Variants in CIT observed in about 807,000 individuals in gnomAD.
The protein encoded by CIT is citron rho-interacting serine/threonine kinase.
Under a neutral mutation model 272.7 loss-of-function variants are expected in CIT, and 79 were observed. That is an observed-to-expected ratio of 0.29 (90% CI 0.24 to 0.35). CIT has a LOEUF of 0.35. CIT is among the 10% of genes least tolerant of loss of function. The probability of loss-of-function intolerance (pLI) is 1.00; values close to 1 mark genes in which losing one functional copy is unlikely to be tolerated. For missense variants in CIT, 1,909 were observed against 2,618.3 expected, an observed-to-expected ratio of 0.73 and a Z score of 5.91; for synonymous variants, 948 against 995.6, an observed-to-expected ratio of 0.95 and a Z score of 0.90.
At chr12:119,876,460 A>G (rs1950849127) in intron 1 of CIT, among the ~76,000 whole-genome samples, 1 of 152,206 alleles carries the variant, frequency 6.6e-6, no homozygotes, top group South Asian at 2.1e-4. Context: ...GTTTGCCCCC[A>G]TGCAGTGGGG....
At chr12:119,817,814 T>A (rs77772706) in intron 9 of CIT, among the ~76,000 whole-genome samples, 2,737 of 151,440 alleles carry the variant, frequency 0.018, 78 homozygotes, top group African/African-American at 0.062. Context: ...GTGGCTCATA[T>A]CTGTAATCCC....
intron 23 of CIT, among the ~76,000 whole-genome samples, chr12:119,746,237 T>A (rs1371257811): frequency 6.6e-6 from 1 of 152,210 alleles, no homozygotes; most frequent in Non-Finnish European, 1.5e-5. Context: ...AAATGCCAGA[T>A]AAGGAAATTT....
At chr12:119,824,755 T>C (rs1968025097) in intron 8 of CIT, among the ~76,000 whole-genome samples, 1 of 152,198 alleles carries the variant, frequency 6.6e-6, no homozygotes, top group Non-Finnish European at 1.5e-5. Flanking sequence ...TTAAACAACA[T>C]TCTAGAAACA....
intron 46 of CIT, among the ~76,000 whole-genome samples, chr12:119,696,146 G>A (rs1956211826): frequency 6.6e-6 from 1 of 152,172 alleles, no homozygotes; most frequent in Non-Finnish European, 1.5e-5. Flanking sequence ...GGAGAGTTAG[G>A]AGGCAAGAGA....
chr12:119,828,832 T>C (rs1968373630), intron 7 of CIT, among the ~76,000 whole-genome samples: 1 of 152,184 alleles, frequency 6.6e-6, no homozygotes, highest in African/African-American at 2.4e-5. Flanking sequence ...CCTCCCAAAG[T>C]GCTGGGATTA....
At position 119,697,644 on chromosome 12, in the gene CIT, G is replaced by T; in HGVS notation, c.5882+15C>A. 6.2e-7 allele frequency: 1 copy of T among 1,612,404 alleles called. No individual in the cohort carries two copies. Among genetic ancestry groups the T allele is most frequent in the Non-Finnish European group, 8.5e-7 (1 of 1,179,122 alleles). On this transcript the variant is annotated intron_variant, in intron 46 of 47. Coordinates refer to ENST00000392521, the MANE Select transcript of CIT (RefSeq NM_001206999.2). The surrounding 1 kb of genome is among the most constrained non-coding windows in gnomAD (Gnocchi z 4.9). Reference sequence around the variant, plus strand: ...ACGTTGCCCCTGGTACTGAGGAAGAGGAGAAGCTGGTTACCTGCGGGAGGT... The same window carrying T: ...ACGTTGCCCCTGGTACTGAGGAAGATGAGAAGCTGGTTACCTGCGGGAGGT...
In CIT at chr12:119,713,724, C is replaced by A; in HGVS notation, c.4307-76G>T. On this transcript the variant is annotated intron_variant, in intron 33 of 47. Coordinates refer to ENST00000392521, the MANE Select transcript of CIT (RefSeq NM_001206999.2). This position sits in a 1 kb window ranked among gnomAD's most constrained non-coding sequence, Gnocchi z 5.2. ...CCTTCCCTTCCTCTGCCAGCCAACG[C>A]CTGGGCTTCTCTACCCCAGCCGGGC... The A allele has an allele frequency of 6.6e-7, 1 of 1,507,112 alleles. No individual in the cohort carries two copies. The highest frequency in any genetic ancestry group is 9.2e-7 in the Non-Finnish European group (1 of 1,084,668). 93.4% of individuals were successfully genotyped at this position (1,507,112 alleles called of 1,614,324 possible).
At chr12:119,741,555 G>A (rs529911677) in intron 24 of CIT, among the ~76,000 whole-genome samples, 1 of 152,220 alleles carries the variant, frequency 6.6e-6, no homozygotes, top group African/African-American at 2.4e-5. Flanking sequence ...TTCATTTACA[G>A]TAGCTAAAGA....
chr12:119,788,514 G>A (rs1454476202), intron 10 of CIT, among the ~76,000 whole-genome samples: 1 of 152,148 alleles, frequency 6.6e-6, no homozygotes, highest in African/African-American at 2.4e-5. Context: ...CAAAAAACTG[G>A]CACCCTTTAA....
intron 4 of CIT, among the ~76,000 whole-genome samples, chr12:119,853,583 A>G (rs953716480): frequency 6.6e-6 from 1 of 152,116 alleles, no homozygotes; most frequent in Non-Finnish European, 1.5e-5. Flanking sequence ...AGGTTTTGAT[A>G]TGCTAGTTAA....
chr12:119,804,153 C>T lies in CIT; in HGVS notation c.1112-764G>A, dbSNP rs1442575200. 3 of 985,236 alleles carry T rather than the reference C, an allele frequency of 3.0e-6. No individual in the cohort carries two copies. The highest frequency in any genetic ancestry group is 1.1e-4 in the East Asian group (1 of 8,812). The allele number at this position is 985,236 out of a possible 1,614,324, so 61.0% of individuals were successfully genotyped here. A position where few individuals can be genotyped will look rare whatever the true frequency, so the allele number is the denominator to read the frequency against. On this transcript the variant is annotated intron_variant, in intron 9 of 47. Transcript: ENST00000392521. The surrounding 1 kb of genome is among the most constrained non-coding windows in gnomAD (Gnocchi z 5.3). ...GTGGGAATGCACGGATGGACATATG[C>T]GGCTCCTACCTCCTCAGGGCTTCAC...
intron 24 of CIT, 56 bp from the exon 25 acceptor site, chr12:119,735,413 A>G: frequency 1.3e-6 from 2 of 1,568,016 alleles, no homozygotes; most frequent in Non-Finnish European, 1.8e-6. Context: ...CAAATAAGAA[A>G]TTGCTTCTAG....
At chr12:119,797,655 A>T (rs1249200770) in intron 10 of CIT, among the ~76,000 whole-genome samples, 1 of 152,206 alleles carries the variant, frequency 6.6e-6, no homozygotes, top group Non-Finnish European at 1.5e-5. Flanking sequence ...TGCAGGCAAG[A>T]CTCTTTCCAA....
At chr12:119,873,644 A>C (rs1271533391) in intron 2 of CIT, among the ~76,000 whole-genome samples, 1 of 152,176 alleles carries the variant, frequency 6.6e-6, no homozygotes, top group Non-Finnish European at 1.5e-5. Flanking sequence ...CAGCCATCTA[A>C]GGTTAAAGAC....
intron 19 of CIT, among the ~76,000 whole-genome samples, chr12:119,766,234 G>C (rs1388461330): frequency 7.6e-5 from 6 of 79,066 alleles, no homozygotes. Flanking sequence ...GAACTTAAAA[G>C]TTGAAGGGAA....
chr12:119,777,144 A>G (rs1963831415), intron 13 of CIT, among the ~76,000 whole-genome samples: 1 of 152,180 alleles, frequency 6.6e-6, no homozygotes, highest in Non-Finnish European at 1.5e-5. Flanking sequence ...AGTCCCAGCT[A>G]CTTGGGAGGC....
intron 5 of CIT, among the ~76,000 whole-genome samples, chr12:119,843,735 G>A (rs804732): frequency 2.0e-5 from 3 of 151,912 alleles, no homozygotes; most frequent in Non-Finnish European, 2.9e-5. Context: ...GCTTGAACCC[G>A]GGAGGCAGAG....
chr12:119,780,394 A>C (rs940192137), intron 13 of CIT, among the ~76,000 whole-genome samples: 1 of 152,176 alleles, frequency 6.6e-6, no homozygotes. Context: ...CAAGGCGGGC[A>C]GATCAGGAGG....
At chr12:119,857,498 A>G (rs373010957) in intron 4 of CIT, 25 bp downstream of exon 4, 100 of 1,612,276 alleles carry the variant, frequency 6.2e-5, no homozygotes, top group Non-Finnish European at 8.0e-5. Flanking sequence ...GAAAGTGGAA[A>G]AGCATGATGT....
Sources: allele counts gnomAD v4.1 joint callset (sites outside exome capture counted in the v4.1 genomes callset), GRCh38; gene constraint gnomAD v4.1.1; non-coding constraint Gnocchi (gnomAD v3.1); transcripts MANE v1.5; gene names NCBI Gene and HGNC (gene_info 2026-07-23, HGNC 2026-07-21).